The following LRRC8D variants were observed in gnomAD, a reference collection of about 807,000 sequenced individuals.
The protein encoded by LRRC8D is leucine rich repeat containing 8 VRAC subunit D.
LRRC8D carries 20 observed loss-of-function variants against 55.8 expected under a neutral mutation model. That is an observed-to-expected ratio of 0.36 (90% CI 0.25 to 0.52). The LOEUF (loss-of-function observed/expected upper bound fraction) is 0.52, where lower values mean the gene tolerates loss of function less well. Among genes scored for constraint, LRRC8D ranks in the 20% least tolerant of loss-of-function variants. The probability of loss-of-function intolerance (pLI) is 0.93; values close to 1 mark genes in which losing one functional copy is unlikely to be tolerated. For synonymous variants in LRRC8D, 352 were observed against 377.0 expected (o/e 0.93, Z 0.77); for missense variants, 651 against 1,030.8 (o/e 0.63, Z 5.05).
chr1:89,843,333 T>C (rs1466650316), intron 1 of LRRC8D: 1 of 228,980 alleles, frequency 4.4e-6, no homozygotes, highest in Admixed American at 5.8e-5. Context: ...ATCTAGGTAC[T>C]TGTGGGGAGG....
chr1:89,885,051 C>T (rs1662383559), intron 2 of LRRC8D, among the ~76,000 whole-genome samples: 2 of 152,148 alleles, frequency 1.3e-5, no homozygotes, highest in Non-Finnish European at 2.9e-5. Flanking sequence ...ATCTCATATA[C>T]CATGGTATGA....
intron 1 of LRRC8D, among the ~76,000 whole-genome samples, chr1:89,834,067 G>A (rs1660947259): frequency 1.3e-5 from 2 of 152,162 alleles, no homozygotes; most frequent in South Asian, 4.1e-4. Flanking sequence ...GACACTGACG[G>A]GGTTTGTTCA....
intron 2 of LRRC8D, among the ~76,000 whole-genome samples, chr1:89,890,872 C>T (rs1418305000): frequency 6.6e-6 from 1 of 152,002 alleles, no homozygotes; most frequent in Non-Finnish European, 1.5e-5. Flanking sequence ...GATAGTTCCT[C>T]ATTCTTTTTT....
At chr1:89,925,522 T>TC (rs1456214214) in intron 2 of LRRC8D, among the ~76,000 whole-genome samples, 1 of 152,166 alleles carries the variant, frequency 6.6e-6, no homozygotes, top group African/African-American at 2.4e-5. Context: ...GGTGATGGGA[T>TC]CATTCATACA....
At chr1:89,825,562 CT>C (rs1660742867) in intron 1 of LRRC8D, among the ~76,000 whole-genome samples, 2 of 152,152 alleles carry the variant, frequency 1.3e-5, no homozygotes, top group African/African-American at 4.8e-5. Flanking sequence ...TCAGGCTAAG[CT>C]TTGTTTTCTT....
intron 2 of LRRC8D, among the ~76,000 whole-genome samples, chr1:89,877,373 G>A (rs1174413288): frequency 6.6e-6 from 1 of 152,150 alleles, no homozygotes; most frequent in African/African-American, 2.4e-5. Context: ...GATAATAACA[G>A]TACCTTTTAA....
chr1:89,832,955 A>C (rs1660921797), intron 1 of LRRC8D, among the ~76,000 whole-genome samples: 1 of 152,172 alleles, frequency 6.6e-6, no homozygotes, highest in East Asian at 1.9e-4. Context: ...AGAGGAAACC[A>C]AGGCTGGCTT....
chr1:89,859,558 A>C (rs895956956), intron 2 of LRRC8D, among the ~76,000 whole-genome samples: 1 of 152,222 alleles, frequency 6.6e-6, no homozygotes, highest in East Asian at 1.9e-4. Context: ...CATTATTTTC[A>C]ATACAGGGAA....
intron 2 of LRRC8D, among the ~76,000 whole-genome samples, chr1:89,857,023 A>G (rs182212593): frequency 6.6e-6 from 1 of 152,350 alleles, no homozygotes; most frequent in East Asian, 1.9e-4. Context: ...AAACAAAAAA[A>G]TACCCCAAAA....
At chr1:89,929,416 A>G (rs1663644445) in intron 2 of LRRC8D, among the ~76,000 whole-genome samples, 2 of 152,234 alleles carry the variant, frequency 1.3e-5, no homozygotes, top group Non-Finnish European at 1.5e-5. Flanking sequence ...GAGAGCCTGA[A>G]GAGTTTTTAC....
intron 2 of LRRC8D, among the ~76,000 whole-genome samples, chr1:89,888,258 G>A (rs1362756838): frequency 1.3e-5 from 2 of 152,204 alleles, no homozygotes; most frequent in Non-Finnish European, 2.9e-5. Context: ...TGTTTCCCAT[G>A]AGGATATAAG....
chr1:89,840,232 C>T (rs1408620677), intron 1 of LRRC8D, among the ~76,000 whole-genome samples: 2 of 151,862 alleles, frequency 1.3e-5, no homozygotes, highest in African/African-American at 2.4e-5. Context: ...TGCGCATGCA[C>T]ACACACACAC....
intron 1 of LRRC8D, among the ~76,000 whole-genome samples, chr1:89,821,627 C>T (rs1052035948): frequency 1.1e-4 from 17 of 152,300 alleles, no homozygotes; most frequent in African/African-American, 3.8e-4. Context: ...TCTCACCTCC[C>T]TCCGCCCTAT....
intron 2 of LRRC8D, among the ~76,000 whole-genome samples, chr1:89,877,234 T>C (rs949807707): frequency 3.4e-4 from 38 of 110,642 alleles, no homozygotes; most frequent in African/African-American, 4.5e-4. Flanking sequence ...CTCTCTCTCT[T>C]TTTTTTTTTT....
chr1:89,891,212 G>T (rs368984791), intron 2 of LRRC8D, among the ~76,000 whole-genome samples: 4 of 152,114 alleles, frequency 2.6e-5, no homozygotes, highest in Non-Finnish European at 5.9e-5. Context: ...TCAACACTTT[G>T]GAAGCATACT....
chr1:89,900,196 C>T (rs915245634), intron 2 of LRRC8D, among the ~76,000 whole-genome samples: 1 of 152,088 alleles, frequency 6.6e-6, no homozygotes, highest in Admixed American at 6.5e-5. Flanking sequence ...AGGTAATTAA[C>T]AAGGTAAATT....
At chr1:89,905,767 TC>T (rs1396835109) in intron 2 of LRRC8D, among the ~76,000 whole-genome samples, 2 of 151,632 alleles carry the variant, frequency 1.3e-5, no homozygotes, top group Admixed American at 6.6e-5. Context: ...AGGAGAGGAG[TC>T]CAGAATTCGT....
intron 2 of LRRC8D, among the ~76,000 whole-genome samples, chr1:89,854,210 A>G (rs550668053): frequency 1.4e-4 from 21 of 152,304 alleles, no homozygotes; most frequent in Admixed American, 3.3e-4. Context: ...GGATATTTTC[A>G]GTAAAGGAGG....
chr1:89,930,045 T>C (rs1663664204), intron 2 of LRRC8D, among the ~76,000 whole-genome samples: 1 of 152,198 alleles, frequency 6.6e-6, no homozygotes, highest in Non-Finnish European at 1.5e-5. Context: ...CCAACCAAGA[T>C]GAAACAGTTT....
Sources: allele counts gnomAD v4.1 joint callset (sites outside exome capture counted in the v4.1 genomes callset), GRCh38; gene constraint gnomAD v4.1.1; transcripts MANE v1.5; gene names NCBI Gene and HGNC (gene_info 2026-07-23, HGNC 2026-07-21).